Variants in CADM2 observed in about 807,000 individuals in gnomAD.
The protein encoded by CADM2 is immunoglobulin superfamily member 4D.
In CADM2, 12 loss-of-function variants were observed where a neutral mutation model predicts 49.8. The observed-to-expected ratio is 0.24, with a 90% CI of 0.15 to 0.39. The LOEUF (loss-of-function observed/expected upper bound fraction) is 0.39, where lower values mean the gene tolerates loss of function less well. Ranked by LOEUF, CADM2 falls within the 10% of genes least tolerant of loss-of-function variation. The pLI is 1.00. For missense variants in CADM2, 378 were observed against 492.3 expected, an observed-to-expected ratio of 0.77 and a Z score of 2.20; for synonymous variants, 214 against 175.4, an observed-to-expected ratio of 1.22 and a Z score of -1.74.
chr3:85,428,653 A>C (rs1449086760), intron 1 of CADM2, among the ~76,000 whole-genome samples: 2 of 145,744 alleles, frequency 1.4e-5, no homozygotes, highest in African/African-American at 5.0e-5. Flanking sequence ...ATTATATAAA[A>C]TATATAATAT....
intron 1 of CADM2, among the ~76,000 whole-genome samples, chr3:85,234,645 G>A (rs889570996): frequency 1.9e-4 from 29 of 152,052 alleles, no homozygotes; most frequent in African/African-American, 5.3e-4. Flanking sequence ...CCTTAAGTGC[G>A]AAAAATAGAC....
intron 5 of CADM2, among the ~76,000 whole-genome samples, chr3:85,894,402 C>T (rs548766092): frequency 1.3e-5 from 2 of 151,972 alleles, no homozygotes; most frequent in South Asian, 2.1e-4. Context: ...TGTTAAATGA[C>T]GAGTTAATGG....
intron 5 of CADM2, among the ~76,000 whole-genome samples, chr3:85,888,011 G>C (rs985783855): frequency 1.3e-5 from 2 of 152,122 alleles, no homozygotes; most frequent in Non-Finnish European, 2.9e-5. Context: ...TTTGTGTGAA[G>C]GTCTTGGCTT....
chr3:86,062,230 C>A (rs920204449), intron 8 of CADM2, among the ~76,000 whole-genome samples: 1 of 152,052 alleles, frequency 6.6e-6, no homozygotes, highest in African/African-American at 2.4e-5. Flanking sequence ...TTTATGAAAA[C>A]TTGAGCAAGA....
chr3:85,906,546 A>G (rs1402472702), intron 5 of CADM2, among the ~76,000 whole-genome samples: 1 of 152,140 alleles, frequency 6.6e-6, no homozygotes, highest in Non-Finnish European at 1.5e-5. Context: ...ATACCTGTAG[A>G]GTCAGTTAAG....
chr3:85,575,604 C>T (rs746931248), intron 1 of CADM2, among the ~76,000 whole-genome samples: 1 of 152,040 alleles, frequency 6.6e-6, no homozygotes, highest in Non-Finnish European at 1.5e-5. Context: ...GAAATAGTAG[C>T]TTGTTATCTA....
chr3:86,053,423 C>T (rs539074549), intron 8 of CADM2, among the ~76,000 whole-genome samples: 2 of 152,150 alleles, frequency 1.3e-5, no homozygotes, highest in South Asian at 4.1e-4. Flanking sequence ...TTGGGAGATG[C>T]GGAAGAAACC....
At chr3:85,097,331 T>C (rs551559977) in intron 1 of CADM2, among the ~76,000 whole-genome samples, 1 of 152,164 alleles carries the variant, frequency 6.6e-6, no homozygotes, top group African/African-American at 2.4e-5. Context: ...ACATGAATTC[T>C]TCATTTTTTA....
intron 1 of CADM2, among the ~76,000 whole-genome samples, chr3:85,423,516 C>T (rs911803287): frequency 3.3e-5 from 5 of 152,076 alleles, no homozygotes; most frequent in African/African-American, 1.2e-4. Flanking sequence ...CATGATTGGC[C>T]TACGAATAAT....
chr3:85,236,575 G>A (rs2042412660), intron 1 of CADM2, among the ~76,000 whole-genome samples: 1 of 152,056 alleles, frequency 6.6e-6, no homozygotes, highest in South Asian at 2.1e-4. Flanking sequence ...TAACTTTTGT[G>A]ATGAAAGATA....
intron 1 of CADM2, among the ~76,000 whole-genome samples, chr3:85,483,842 A>G (rs1014388484): frequency 1.3e-5 from 2 of 151,466 alleles, no homozygotes; most frequent in African/African-American, 4.8e-5. Flanking sequence ...TTGAATTACT[A>G]TTTTGTAACT....
chr3:85,705,433 G>A (rs781202899), intron 1 of CADM2, among the ~76,000 whole-genome samples: 3 of 152,146 alleles, frequency 2.0e-5, no homozygotes, highest in Non-Finnish European at 4.4e-5. Flanking sequence ...AAATGATGAG[G>A]ATTGCTGTCC....
At chr3:85,999,683 GAAAA>G (rs1223148947) in intron 8 of CADM2, among the ~76,000 whole-genome samples, 1 of 151,720 alleles carries the variant, frequency 6.6e-6, no homozygotes, top group Non-Finnish European at 1.5e-5. Flanking sequence ...GAAAAAGAAA[GAAAA>G]GAAAGAATGA....
chr3:85,130,160 T>A (rs924241789), intron 1 of CADM2, among the ~76,000 whole-genome samples: 3 of 152,224 alleles, frequency 2.0e-5, no homozygotes, highest in African/African-American at 7.2e-5. Flanking sequence ...CAGTTGAGAC[T>A]GGGTTTACAG....
intron 2 of CADM2, 28 bp from the exon 3 acceptor site, chr3:85,802,019 A>T: frequency 6.4e-7 from 1 of 1,570,380 alleles, no homozygotes. Context: ...CTTTCATTTA[A>T]TCAACATTTT....
rs79981859 is a variant in CADM2, at chr3:85,805,983, C to G, written c.238+3787C>G. Reference sequence around the variant, plus strand: ...ACAGTAAAATCACTTAGGGGATTTTCAAACACAGTCTTCCAGCGGTATGCA... The same window carrying G: ...ACAGTAAAATCACTTAGGGGATTTTGAAACACAGTCTTCCAGCGGTATGCA... On this transcript the variant is annotated intron_variant, in intron 3 of 9. Coordinates refer to ENST00000383699, the MANE Select transcript of CADM2 (RefSeq NM_001167675.2). Among the ~76,000 whole-genome samples the G allele has an allele frequency of 4.8e-3, 725 of 152,230 alleles. 5 individuals carry two copies. The highest frequency in any genetic ancestry group is 0.021 in the East Asian group (111 of 5,164).
At chr3:85,503,303 T>C (rs977808051) in intron 1 of CADM2, among the ~76,000 whole-genome samples, 5 of 152,190 alleles carry the variant, frequency 3.3e-5, no homozygotes, top group Non-Finnish European at 7.4e-5. Flanking sequence ...GAAAATATGC[T>C]CAGGAAGTCA....
chr3:85,307,871 G>C (rs966247927), intron 1 of CADM2, among the ~76,000 whole-genome samples: 16 of 149,740 alleles, frequency 1.1e-4, no homozygotes, highest in African/African-American at 3.9e-4. Context: ...ATTTGATTAA[G>C]TTAGAGCTTC....
At chr3:85,344,148 G>A (rs1197731702) in intron 1 of CADM2, among the ~76,000 whole-genome samples, 3 of 151,942 alleles carry the variant, frequency 2.0e-5, no homozygotes, top group Non-Finnish European at 2.9e-5. Flanking sequence ...GGCCGAGGCG[G>A]GCAGATCACG....
Sources: allele counts gnomAD v4.1 joint callset (sites outside exome capture counted in the v4.1 genomes callset), GRCh38; gene constraint gnomAD v4.1.1; transcripts MANE v1.5; gene names NCBI Gene and HGNC (gene_info 2026-07-23, HGNC 2026-07-21).